TXK: variants seen among roughly 807,000 people sequenced by gnomAD.
The protein encoded by TXK is tyrosine-protein kinase TXK.
TXK carries 60 observed loss-of-function variants against 81.0 expected under a neutral mutation model. That is an observed-to-expected ratio of 0.74 (90% confidence interval 0.60 to 0.92). The LOEUF (loss-of-function observed/expected upper bound fraction) is 0.92, where lower values mean the gene tolerates loss of function less well. TXK is among the 40% of genes least tolerant of loss of function. TXK has a pLI of 0.00. For missense variants in TXK, 581 were observed against 638.3 expected, an observed-to-expected ratio of 0.91 and a Z score of 0.97; for synonymous variants, 203 against 210.7, an observed-to-expected ratio of 0.96 and a Z score of 0.32.
At chr4:48,131,339 A>G (rs1719243377) in intron 1 of TXK, among the ~76,000 whole-genome samples, 1 of 151,350 alleles carries the variant, frequency 6.6e-6, no homozygotes, top group Admixed American at 6.6e-5. Flanking sequence ...TTTTTTTAAA[A>G]GACTGGGTCT....
At chr4:48,075,253 T>C (rs1717021108) in intron 12 of TXK, among the ~76,000 whole-genome samples, 1 of 152,140 alleles carries the variant, frequency 6.6e-6, no homozygotes, top group South Asian at 2.1e-4. Flanking sequence ...AGTGCTCTTT[T>C]CCCCAGGTGG....
At chr4:48,100,155 G>T (rs1718136241) in intron 6 of TXK, among the ~76,000 whole-genome samples, 1 of 93,552 alleles carries the variant, frequency 1.1e-5, no homozygotes, top group Non-Finnish European at 1.9e-5. Flanking sequence ...CTGGGCGACA[G>T]AAAGAGACTC....
At chr4:48,106,861 A>G (rs1397287851) in intron 5 of TXK, among the ~76,000 whole-genome samples, 1 of 152,236 alleles carries the variant, frequency 6.6e-6, no homozygotes, top group African/African-American at 2.4e-5. Flanking sequence ...TTTAAAAGGC[A>G]TAATTAATTT....
At chr4:48,130,532 C>T (rs1577684714) in intron 1 of TXK, among the ~76,000 whole-genome samples, 5 of 152,266 alleles carry the variant, frequency 3.3e-5, no homozygotes, top group African/African-American at 9.6e-5. Context: ...GAATGGGAGC[C>T]GCCACCTCTG....
intron 6 of TXK, among the ~76,000 whole-genome samples, chr4:48,095,742 T>C (rs772491819): frequency 5.9e-5 from 9 of 152,006 alleles, no homozygotes; most frequent in Non-Finnish European, 1.3e-4. Context: ...AAAGGAACCA[T>C]ATTAGTTGCA....
rs564207823 is a variant in TXK at position 48,090,388 on chromosome 4, A to T, written c.710-564T>A. Among the ~76,000 whole-genome samples, 4 of 152,178 alleles carry T rather than the reference A, an allele frequency of 2.6e-5. No homozygotes were observed. The East Asian group carries it at 5.8e-4, about 22-fold the overall frequency. ...GATGTACTAATTTATTCAACCACCA[A>T]CGGTGTTGAAGTGTGCCCATTTTGT... On this transcript the variant is annotated intron_variant, in intron 8 of 14. Coordinates refer to ENST00000264316, the MANE Select transcript of TXK (RefSeq NM_003328.3).
At chr4:48,079,782 AT>A (rs761864518) in intron 11 of TXK, 129 bp downstream of exon 11, 1 of 747,854 alleles carries the variant, frequency 1.3e-6, no homozygotes, top group Non-Finnish European at 2.2e-6. Context: ...TTTACAACAA[AT>A]TGCATGAATA....
intron 14 of TXK, among the ~76,000 whole-genome samples, chr4:48,070,277 CT>C (rs1251986061): frequency 6.6e-6 from 1 of 152,162 alleles, no homozygotes; most frequent in Non-Finnish European, 1.5e-5. Context: ...GCCCCTCTGG[CT>C]TTATTTCTAA....
chr4:48,118,312 A>G (rs1018215200), intron 1 of TXK, among the ~76,000 whole-genome samples: 3 of 152,126 alleles, frequency 2.0e-5, no homozygotes, highest in African/African-American at 4.8e-5. Flanking sequence ...CAAGCCAGAG[A>G]TTTTCTCCCA....
rs1239223902 is a variant in TXK at position 48,112,374 on chromosome 4, T to C, written c.313A>G (p.Arg105Gly). 2 of 1,614,076 alleles carry C rather than the reference T, an allele frequency of 1.2e-6. No individual in the cohort carries two copies. The highest frequency in any genetic ancestry group is 1.3e-5 in the African/African-American group (1 of 74,918). ...PREPCNLALR[R>G]AEEYLILEKY... ...TCCAGTATCAGGTATTCTTCTGCTC[T>C]CCTTAAGGCTAAATTACAGGGTTCT... Residue 105 changes from arginine to glycine, a missense_variant, in exon 4 of 15, where the codon AGA becomes GGA. Arg to Gly is a moderately radical substitution (Grantham distance 125). Coordinates refer to ENST00000264316, the MANE Select transcript of TXK (RefSeq NM_003328.3).
intron 1 of TXK, among the ~76,000 whole-genome samples, chr4:48,131,986 G>GCCT (rs1719257203): frequency 1.3e-5 from 2 of 151,140 alleles, no homozygotes; most frequent in Admixed American, 1.3e-4. Context: ...GTTCTTATCT[G>GCCT]CGTGAATGGA....
At chr4:48,110,472 T>G in intron 5 of TXK, 66 bp downstream of exon 5, 1 of 1,154,668 alleles carries the variant, frequency 8.7e-7, no homozygotes, top group Non-Finnish European at 1.3e-6. Flanking sequence ...CCCAAAACAG[T>G]ATCTATACTT....
intron 13 of TXK, among the ~76,000 whole-genome samples, chr4:48,073,049 C>T (rs1048071006): frequency 8.6e-5 from 13 of 151,710 alleles, no homozygotes; most frequent in East Asian, 1.9e-4. Flanking sequence ...CTCAGCCTCC[C>T]GAGGAACTGG....
chr4:48,090,495 T>C (rs1221824747), intron 8 of TXK, among the ~76,000 whole-genome samples: 2 of 152,238 alleles, frequency 1.3e-5, no homozygotes, highest in East Asian at 1.9e-4. Flanking sequence ...TAGATTTCTA[T>C]ACATCAAATG....
At chr4:48,120,383 G>A (rs1036776195) in intron 1 of TXK, among the ~76,000 whole-genome samples, 2 of 150,048 alleles carry the variant, frequency 1.3e-5, no homozygotes, top group Non-Finnish European at 3.0e-5. Context: ...ACATATATAC[G>A]TATATATATG....
At chr4:48,115,610 G>C (rs1718782609) in intron 1 of TXK, among the ~76,000 whole-genome samples, 1 of 152,136 alleles carries the variant, frequency 6.6e-6, no homozygotes, top group Non-Finnish European at 1.5e-5. Context: ...ACCTTGGGAG[G>C]CCGAAGCAGG....
intron 1 of TXK, among the ~76,000 whole-genome samples, chr4:48,116,477 G>C (rs1718816891): frequency 6.6e-6 from 1 of 152,176 alleles, no homozygotes; most frequent in Non-Finnish European, 1.5e-5. Flanking sequence ...AGGAAGTATA[G>C]AGATGTAGGC....
In TXK at chr4:48,067,621, G is replaced by C. The variant is rs770189847; in HGVS notation, c.*16C>G. 6.2e-7 allele frequency: 1 copy of C among 1,613,264 alleles called. No homozygotes were observed. The highest frequency in any genetic ancestry group is 8.5e-7 in the Non-Finnish European group (1 of 1,179,248). On this transcript the variant is annotated 3_prime_UTR_variant, in exon 15 of 15. Coordinates refer to ENST00000264316, the MANE Select transcript of TXK (RefSeq NM_003328.3). ...GTTTTGCAAGATGACTCTTTGGGTT[G>C]GCATTCTGTTTCCGGTCACCAGGTT...
intron 10 of TXK, among the ~76,000 whole-genome samples, chr4:48,085,128 C>G (rs1717470025): frequency 6.6e-6 from 1 of 152,080 alleles, no homozygotes; most frequent in African/African-American, 2.4e-5. Flanking sequence ...AAATTATTGG[C>G]CTGTCCTGGT....
Sources: gnomAD v4.1 joint callset for allele counts (sites outside exome capture counted in the v4.1 genomes callset) on GRCh38, gnomAD v4.1.1 for gene constraint, MANE v1.5 for transcripts, NCBI Gene and HGNC (gene_info 2026-07-23, HGNC 2026-07-21) for gene names.